Variants in COL14A1 observed in about 807,000 individuals in gnomAD.
COL14A1 encodes collagen type XIV alpha 1 chain, also known as collagen alpha-1(XIV) chain.
In COL14A1, 136 loss-of-function variants were observed where a neutral mutation model predicts 230.3. The ratio of observed to expected loss-of-function variants is 0.59; its 90% CI spans 0.51 to 0.68. COL14A1 has a LOEUF of 0.68. Among genes scored for constraint, COL14A1 ranks in the 30% least tolerant of loss-of-function variants. The pLI is 0.00. For synonymous variants in COL14A1, 792 were observed against 784.1 expected, an observed-to-expected ratio of 1.01 and a Z score of -0.17; for missense variants, 1,976 against 2,215.8, an observed-to-expected ratio of 0.89 and a Z score of 2.17.
chr8:120,360,213 T>G (rs560882186), intron 45 of COL14A1, among the ~76,000 whole-genome samples: 148 of 152,302 alleles, frequency 9.7e-4, no homozygotes, highest in African/African-American at 3.5e-3. Flanking sequence ...CCTTAACCAA[T>G]GTATTGCCTT....
At chr8:120,140,018 A>T (rs761276424) in intron 1 of COL14A1, among the ~76,000 whole-genome samples, 6 of 152,250 alleles carry the variant, frequency 3.9e-5, no homozygotes, top group African/African-American at 1.4e-4. Flanking sequence ...ACAGACAGAG[A>T]TCCTAAAAAA....
chr8:120,141,509 C>T (rs1814907660), intron 1 of COL14A1, among the ~76,000 whole-genome samples: 1 of 151,962 alleles, frequency 6.6e-6, no homozygotes. Flanking sequence ...TTCACCACTG[C>T]AGCCCAGCTT....
At chr8:120,238,537 G>C (rs1291519068) in intron 19 of COL14A1, among the ~76,000 whole-genome samples, 1 of 152,206 alleles carries the variant, frequency 6.6e-6, no homozygotes, top group Non-Finnish European at 1.5e-5. Flanking sequence ...ATCTTAGCTT[G>C]TTGGGCTCCG....
At position 120,283,623 on chromosome 8, in the gene COL14A1, T is replaced by C. The variant is rs1302254297; in HGVS notation, c.3825-13T>C. The C allele has an allele frequency of 6.3e-7, 1 of 1,581,306 alleles. No individual in the cohort carries two copies. Among genetic ancestry groups the C allele is most frequent in the Non-Finnish European group, 8.5e-7 (1 of 1,169,760 alleles). The stretch of plus-strand genomic sequence containing the variant: ...AAGGATACAATGAAACATGGTTTTC[T>C]TTCTATGTTCAGGTACTTGCACCCA... On this transcript the variant is annotated splice_polypyrimidine_tract_variant and intron_variant, in intron 31 of 47. Transcript: ENST00000297848.
chr8:120,272,213 A>G (rs1325585186), intron 26 of COL14A1, among the ~76,000 whole-genome samples: 1 of 151,762 alleles, frequency 6.6e-6, no homozygotes, highest in African/African-American at 2.4e-5. Flanking sequence ...TAAATGGAGG[A>G]AAAATAAAGT....
chr8:120,213,852 T>C (rs1817676971), intron 13 of COL14A1: 1 of 336,402 alleles, frequency 3.0e-6, no homozygotes, highest in South Asian at 2.5e-5. Context: ...CCAAATGTAA[T>C]AGAATTCCAG....
intron 1 of COL14A1, among the ~76,000 whole-genome samples, chr8:120,144,971 A>G (rs115642220): frequency 0.01 from 1,583 of 152,290 alleles, 28 homozygotes; most frequent in African/African-American, 0.036. Context: ...TAACCCAGTA[A>G]ATGAAATTGT....
chr8:120,181,837 A>T (rs1378068744), intron 5 of COL14A1, among the ~76,000 whole-genome samples: 3 of 152,150 alleles, frequency 2.0e-5, no homozygotes, highest in Non-Finnish European at 4.4e-5. Context: ...CTGTAGTCCT[A>T]GCTACGCAGG....
intron 43 of COL14A1, among the ~76,000 whole-genome samples, chr8:120,341,791 A>G (rs1428200568): frequency 2.0e-5 from 3 of 152,232 alleles, no homozygotes; most frequent in Non-Finnish European, 4.4e-5. Flanking sequence ...CCAGGAAGAC[A>G]ATGGCAGGCA....
intron 5 of COL14A1, among the ~76,000 whole-genome samples, chr8:120,177,522 A>T (rs1816318827): frequency 6.6e-6 from 1 of 151,730 alleles, no homozygotes; most frequent in Admixed American, 6.6e-5. Context: ...GGTGGCGCAC[A>T]TCAGTAATCT....
chr8:120,225,620 T>G (rs187304480), intron 15 of COL14A1, among the ~76,000 whole-genome samples: 18 of 152,310 alleles, frequency 1.2e-4, no homozygotes, highest in African/African-American at 3.6e-4. Flanking sequence ...CTCATACTAT[T>G]TAGCTCAATA....
chr8:120,255,228 A>T lies in COL14A1; in HGVS notation c.2753-12A>T. ...TGCGGTGTGATACAGTTATGTTTCT[A>T]TTTCATTCCAGTGTTCTTGGGTGTT... On this transcript the variant is annotated splice_polypyrimidine_tract_variant and intron_variant, in intron 22 of 47. Transcript: ENST00000297848. The T allele has an allele frequency of 5.6e-6, 9 of 1,599,156 alleles. No homozygotes were observed. The highest frequency in any genetic ancestry group is 7.7e-6 in the Non-Finnish European group (9 of 1,166,324).
intron 24 of COL14A1, among the ~76,000 whole-genome samples, chr8:120,266,440 G>A (rs1318467647): frequency 1.3e-5 from 2 of 152,064 alleles, no homozygotes; most frequent in Admixed American, 1.3e-4. Flanking sequence ...TATTGAGCAA[G>A]GATTGATGGT....
chr8:120,159,514 A>G (rs866630398), intron 3 of COL14A1, among the ~76,000 whole-genome samples: 1 of 152,050 alleles, frequency 6.6e-6, no homozygotes, highest in Non-Finnish European at 1.5e-5. Flanking sequence ...TGGAGCTACA[A>G]GCCTTTCAGT....
At chr8:120,338,472 A>G (rs908281970) in intron 42 of COL14A1, among the ~76,000 whole-genome samples, 1 of 152,152 alleles carries the variant, frequency 6.6e-6, no homozygotes, top group African/African-American at 2.4e-5. Context: ...AAGACCTCTT[A>G]GTGCCTCATT....
intron 14 of COL14A1, among the ~76,000 whole-genome samples, chr8:120,218,863 G>A (rs1425937731): frequency 6.6e-6 from 1 of 152,088 alleles, no homozygotes; most frequent in Non-Finnish European, 1.5e-5. Context: ...AGAGATACCA[G>A]TGATTTCTAT....
intron 4 of COL14A1, among the ~76,000 whole-genome samples, chr8:120,166,649 G>C (rs907289027): frequency 3.9e-5 from 6 of 152,090 alleles, no homozygotes; most frequent in Non-Finnish European, 7.4e-5. Context: ...GTGTGGGTGG[G>C]GTTGAAGATA....
intron 34 of COL14A1, among the ~76,000 whole-genome samples, chr8:120,294,175 G>A (rs557282896): frequency 9.1e-4 from 138 of 151,756 alleles, no homozygotes; most frequent in Non-Finnish European, 1.8e-3. Context: ...AAAAATCAGA[G>A]AATAAAATTT....
At chr8:120,178,970 CCTTTGT>C (rs1204563414) in intron 5 of COL14A1, among the ~76,000 whole-genome samples, 1 of 151,786 alleles carries the variant, frequency 6.6e-6, no homozygotes, top group Non-Finnish European at 1.5e-5. Flanking sequence ...GGACATTAGC[CCTTTGT>C]CAGATGGATA....
Sources: gnomAD v4.1 joint callset for allele counts (sites outside exome capture counted in the v4.1 genomes callset) on GRCh38, gnomAD v4.1.1 for gene constraint, MANE v1.5 for transcripts, NCBI Gene and HGNC (gene_info 2026-07-23, HGNC 2026-07-21) for gene names.